CD59: variants seen among roughly 807,000 people sequenced by gnomAD.
CD59 encodes the protein CD59 molecule (CD59 blood group), also known as CD59 glycoprotein.
In CD59, 3 loss-of-function variants were observed where a neutral mutation model predicts 7.0. That is an observed-to-expected ratio of 0.43 (90% CI 0.19 to 1.10). The LOEUF (loss-of-function observed/expected upper bound fraction) is 1.10. CD59 is among the 50% of genes least tolerant of loss of function. CD59 has a pLI of 0.29. For missense variants in CD59, 143 were observed against 151.0 expected (o/e 0.95, Z 0.28); for synonymous variants, 60 against 62.0 (o/e 0.97, Z 0.15).
intron 1 of CD59, among the ~76,000 whole-genome samples, chr11:33,735,707 G>A (rs1357766313): frequency 6.6e-6 from 1 of 151,890 alleles, no homozygotes; most frequent in African/African-American, 2.4e-5. Flanking sequence ...CACGAGGTCA[G>A]GAATTCAAGA....
At chr11:33,733,113 C>T (rs1854465685) in intron 1 of CD59, among the ~76,000 whole-genome samples, 1 of 152,160 alleles carries the variant, frequency 6.6e-6, no homozygotes, top group Admixed American at 6.5e-5. Context: ...GAACCTCAGT[C>T]CTCCAGTCAC....
chr11:33,715,138 G>A (rs1365238782), intron 3 of CD59, among the ~76,000 whole-genome samples: 1 of 151,792 alleles, frequency 6.6e-6, no homozygotes, highest in East Asian at 1.9e-4. Context: ...AAAAAATATA[G>A]TAAATACACA....
intron 3 of CD59, among the ~76,000 whole-genome samples, chr11:33,715,172 A>T (rs1023079041): frequency 6.6e-6 from 1 of 151,870 alleles, no homozygotes. Flanking sequence ...TTTATTATAA[A>T]ATATTATATA....
chr11:33,730,204 G>A (rs1345857543), intron 1 of CD59, among the ~76,000 whole-genome samples: 4 of 151,954 alleles, frequency 2.6e-5, no homozygotes, highest in African/African-American at 9.7e-5. Flanking sequence ...CGAGGTGGGT[G>A]GATTGCTTGA....
chr11:33,717,554 C>T, intron 2 of CD59, 83 bp from the exon 3 acceptor site: 2 of 806,776 alleles, frequency 2.5e-6, no homozygotes, highest in East Asian at 2.6e-5. Context: ...TAATATGGGC[C>T]CAAAGTCAGC....
At chr11:33,710,423 G>A (rs112690819) in intron 3 of CD59, 80 bp from the exon 4 acceptor site, 21 of 1,132,542 alleles carry the variant, frequency 1.9e-5, no homozygotes, top group East Asian at 1.2e-4. Flanking sequence ...ATTCTATTTC[G>A]TATGTATCCT....
At position 33,717,411 on chromosome 11, in the gene CD59, T is replaced by C. The variant is rs1351382260; in HGVS notation, c.128A>G (p.Asn43Ser). ...NPTADCKTAV[N>S]CSSDFDACLI... is the part of the protein sequence containing the mutation. The stretch of plus-strand genomic sequence containing the variant: ...ACACGCATCAAAATCAGATGAACAA[T>C]TGACGGCTGTTTTGCAGTCAGCAGT... The change falls in exon 3 of 4, where the codon AAT becomes AGT. Residue 43 changes from asparagine to serine, a missense_variant. Asn to Ser is a conservative substitution (Grantham distance 46, BLOSUM62 1). Coordinates refer to ENST00000642928, the MANE Select transcript of CD59 (RefSeq NM_000611.6). 5.0e-6 allele frequency: 8 copies of C among 1,613,780 alleles called. No homozygotes were observed. The highest frequency in any genetic ancestry group is 4.5e-5 in the East Asian group (2 of 44,880).
At chr11:33,715,589 G>A (rs1335560940) in intron 3 of CD59, among the ~76,000 whole-genome samples, 1 of 151,922 alleles carries the variant, frequency 6.6e-6, no homozygotes, top group African/African-American at 2.4e-5. Context: ...GACAGAGCAA[G>A]ACCTTGTCTC....
rs1441857543 is a variant in CD59 at position 33,736,154 on chromosome 11, G to T, written c.-19+228C>A. On this transcript the variant is annotated intron_variant, in intron 1 of 3. Transcript: ENST00000642928. The surrounding 1 kb of genome is among the most constrained non-coding windows in gnomAD (Gnocchi z 4.4). Reference sequence around the variant, plus strand: ...CGGGGCTGCTTCTGGGAGAGGGCGCGCTCCCCGTTTCTCCTTCCTCGTAGA... The same window carrying T: ...CGGGGCTGCTTCTGGGAGAGGGCGCTCTCCCCGTTTCTCCTTCCTCGTAGA... 6.6e-6 allele frequency among the ~76,000 whole-genome samples: 1 copy of T among 152,070 alleles called. No individual in the cohort carries two copies. Among genetic ancestry groups the T allele is most frequent in the Non-Finnish European group, 1.5e-5 (1 of 67,992 alleles).
intron 1 of CD59, among the ~76,000 whole-genome samples, chr11:33,729,569 G>A (rs1285110111): frequency 6.6e-6 from 1 of 151,950 alleles, no homozygotes; most frequent in Non-Finnish European, 1.5e-5. Context: ...TAATGTAAAC[G>A]ACAAGTTGAT....
intron 1 of CD59, among the ~76,000 whole-genome samples, chr11:33,732,061 T>C (rs1481831906): frequency 1.3e-5 from 2 of 152,200 alleles, no homozygotes; most frequent in Non-Finnish European, 2.9e-5. Flanking sequence ...ATTTCTGTCT[T>C]GTCTGCTGCC....
chr11:33,709,633 C>A lies in CD59; in HGVS notation c.*493G>T. 1 of 214,152 alleles carries A rather than the reference C, an allele frequency of 4.7e-6. No individual in the cohort carries two copies. The highest frequency in any genetic ancestry group is 9.5e-6 in the Non-Finnish European group (1 of 105,448). 13.3% of individuals were successfully genotyped at this position (214,152 alleles called of 1,614,324 possible). A position where few individuals can be genotyped will look rare whatever the true frequency, so the allele number is the denominator to read the frequency against. ...AGCTCTGCATTAAGGATCTTGTTGT[C>A]CCTGACTGACACCCACATATGGAAC... On this transcript the variant is annotated 3_prime_UTR_variant, in exon 4 of 4. Transcript: ENST00000642928.
intron 1 of CD59, among the ~76,000 whole-genome samples, chr11:33,725,894 TAA>T (rs1342862856): frequency 6.6e-6 from 1 of 152,094 alleles, no homozygotes; most frequent in Non-Finnish European, 1.5e-5. Context: ...TAGTCTCTGA[TAA>T]AAGACTTTAA....
intron 3 of CD59, among the ~76,000 whole-genome samples, chr11:33,712,177 AT>A (rs759245333): frequency 2.0e-5 from 3 of 152,268 alleles, no homozygotes; most frequent in Admixed American, 2.0e-4. Flanking sequence ...TTATTCAGTA[AT>A]ACAGGAAAAG....
chr11:33,734,905 C>G (rs1211732079), intron 1 of CD59, among the ~76,000 whole-genome samples: 3 of 152,142 alleles, frequency 2.0e-5, no homozygotes, highest in Non-Finnish European at 4.4e-5. Context: ...CATTAGGCAC[C>G]CCACTCTCTC....
rs868527937 is a variant in CD59 at position 33,708,449 on chromosome 11, G to A, written c.*1677C>T. ...ACTCCTGGCTTTCTGGAGTGTGGCT[G>A]AATTCCCCACCCCCCCGCCCCCAAA... is the stretch of plus-strand genomic sequence containing the variant. On this transcript the variant is annotated 3_prime_UTR_variant, in exon 4 of 4. Coordinates refer to ENST00000642928, the MANE Select transcript of CD59 (RefSeq NM_000611.6). 1 of 151,582 alleles carries A rather than the reference G, an allele frequency of 6.6e-6. No homozygotes were observed. The highest frequency in any genetic ancestry group is 3.4e-3 in the Middle Eastern group (1 of 292). 9.4% of individuals were successfully genotyped at this position (151,582 alleles called of 1,614,324 possible). A position where few individuals can be genotyped will look rare whatever the true frequency, so the allele number is the denominator to read the frequency against.
Position 33,736,111 on chromosome 11 carries a change from G to A in CD59, c.-19+271C>T, listed in dbSNP as rs534591349. On this transcript the variant is annotated intron_variant, in intron 1 of 3. Coordinates refer to ENST00000642928, the MANE Select transcript of CD59 (RefSeq NM_000611.6). This position sits in a 1 kb window ranked among gnomAD's most constrained non-coding sequence, Gnocchi z 4.4. The stretch of plus-strand genomic sequence containing the variant: ...TGCGAGGCTGCCCCCGAGGGAATGG[G>A]GGGCGCGACGGGGGTAACGGGGCTG... 6.6e-6 allele frequency among the ~76,000 whole-genome samples: 1 copy of A among 152,236 alleles called. No individual in the cohort carries two copies. Among genetic ancestry groups the A allele is most frequent in the Non-Finnish European group, 1.5e-5 (1 of 68,010 alleles).
chr11:33,734,847 T>C (rs1250913010), intron 1 of CD59, among the ~76,000 whole-genome samples: 1 of 152,214 alleles, frequency 6.6e-6, no homozygotes, highest in African/African-American at 2.4e-5. Context: ...GAATTTTCCA[T>C]GCTCTACTTT....
Position 33,722,466 on chromosome 11 carries a change from G to C in CD59, c.-18-3C>G. ...CCCATTGTGATTGTCCACAGAACCT[G>C]GAAGGAAGGGACAGGAAGGAATGTC... is the stretch of plus-strand genomic sequence containing the variant. On this transcript the variant is annotated splice_region_variant and splice_polypyrimidine_tract_variant and intron_variant, in intron 1 of 3. Transcript: ENST00000642928. The C allele has an allele frequency of 6.2e-7, 1 of 1,613,678 alleles. No homozygotes were observed. The highest frequency in any genetic ancestry group is 8.5e-7 in the Non-Finnish European group (1 of 1,179,746).
Sources: allele counts gnomAD v4.1 joint callset (sites outside exome capture counted in the v4.1 genomes callset), GRCh38; gene constraint gnomAD v4.1.1; non-coding constraint Gnocchi (gnomAD v3.1); transcripts MANE v1.5; gene names NCBI Gene and HGNC (gene_info 2026-07-23, HGNC 2026-07-21).